RNF38: variants seen among roughly 807,000 people sequenced by gnomAD.
The protein encoded by RNF38 is E3 ubiquitin-protein ligase RNF38.
RNF38 carries 15 observed loss-of-function variants against 67.2 expected under a neutral mutation model. The ratio of observed to expected loss-of-function variants is 0.22; its 90% CI spans 0.15 to 0.34. The LOEUF is 0.34. RNF38 is among the 10% of genes least tolerant of loss of function. RNF38 has a pLI of 1.00. For missense variants in RNF38, 524 were observed against 639.9 expected (o/e 0.82, Z 1.95); for synonymous variants, 220 against 218.8 (o/e 1.01, Z -0.05).
intron 1 of RNF38, among the ~76,000 whole-genome samples, chr9:36,425,554 C>A (rs962336539): frequency 6.6e-6 from 1 of 151,904 alleles, no homozygotes; most frequent in Non-Finnish European, 1.5e-5. Flanking sequence ...ATTAGCCACG[C>A]GTGGTGGCGC....
At chr9:36,484,016 T>C (rs1241778039) in intron 1 of RNF38, among the ~76,000 whole-genome samples, 5 of 152,132 alleles carry the variant, frequency 3.3e-5, no homozygotes, top group Non-Finnish European at 5.9e-5. Context: ...CAAAATTCCA[T>C]CCCAGTCATC....
intron 4 of RNF38, among the ~76,000 whole-genome samples, chr9:36,359,922 T>A (rs1020848486): frequency 9.2e-5 from 14 of 151,558 alleles, no homozygotes; most frequent in Non-Finnish European, 1.8e-4. Flanking sequence ...CTTTTTTTTT[T>A]AAATTAGAGA....
upstream of RNF38, chr9:36,400,876 G>GGGGCC (rs1837973391): frequency 3.1e-6 from 3 of 979,452 alleles, no homozygotes; most frequent in African/African-American, 1.8e-5. Context: ...CACCGCACTA[G>GGGGCC]GGGCCCGGCC....
chr9:36,423,502 T>C (rs1411022422), intron 2 of RNF38, among the ~76,000 whole-genome samples: 1 of 152,162 alleles, frequency 6.6e-6, no homozygotes, highest in East Asian at 1.9e-4. Context: ...GATTCCTGCA[T>C]ATAACACGCA....
chr9:36,400,343 G>A (rs1837916624), upstream of RNF38: 3 of 1,240,468 alleles, frequency 2.4e-6, no homozygotes, highest in South Asian at 2.7e-5. Flanking sequence ...TCGGCAAAAA[G>A]GGAGGGAGCG....
At chr9:36,353,074 A>G (rs1477919762) in intron 7 of RNF38, 96 bp downstream of exon 7, 21 of 1,110,828 alleles carry the variant, frequency 1.9e-5, no homozygotes, top group Non-Finnish European at 2.8e-5. Flanking sequence ...TCGAGAATAC[A>G]TATAATTCTA....
At chr9:36,423,500 C>A (rs1838678856) in intron 2 of RNF38, among the ~76,000 whole-genome samples, 1 of 152,158 alleles carries the variant, frequency 6.6e-6, no homozygotes, top group South Asian at 2.1e-4. Context: ...TAGATTCCTG[C>A]ATATAACACG....
chr9:36,426,281 T>C (rs1041052153), intron 1 of RNF38, among the ~76,000 whole-genome samples: 3 of 152,004 alleles, frequency 2.0e-5, no homozygotes, highest in African/African-American at 7.2e-5. Context: ...ACAACCATCA[T>C]CACAATTTTA....
intron 2 of RNF38, among the ~76,000 whole-genome samples, chr9:36,421,420 T>C (rs1290071456): frequency 1.3e-5 from 2 of 152,014 alleles, no homozygotes; most frequent in Admixed American, 1.3e-4. Flanking sequence ...TACCAGCACT[T>C]TGGGAGGCTG....
chr9:36,420,126 T>C (rs939650367), intron 2 of RNF38, among the ~76,000 whole-genome samples: 2 of 152,204 alleles, frequency 1.3e-5, no homozygotes, highest in Non-Finnish European at 1.5e-5. Context: ...GGAATCCCAG[T>C]GTACTGCTGT....
At chr9:36,457,001 GC>G (rs1242316156) in intron 1 of RNF38, among the ~76,000 whole-genome samples, 2 of 152,068 alleles carry the variant, frequency 1.3e-5, no homozygotes. Context: ...TAGTCCAGCT[GC>G]TTTTTGCACT....
rs1832578431 is a variant in RNF38 at position 36,338,169 on chromosome 9, C to CT, written c.*1582dup. On this transcript the variant is annotated 3_prime_UTR_variant, in exon 12 of 12. Transcript: ENST00000259605. ...GAAGAGGCAGACAATGTTGAATACA[C>CT]TAAAAGAATGAGAAAGTAATTTAAA... 6.6e-6 allele frequency: 1 copy of CT among 152,068 alleles called. No homozygotes were observed. 9.4% of individuals were successfully genotyped at this position (152,068 alleles called of 1,614,324 possible). A position where few individuals can be genotyped will look rare whatever the true frequency, so the allele number is the denominator to read the frequency against.
At chr9:36,398,205 C>A (rs539159858) in intron 1 of RNF38, among the ~76,000 whole-genome samples, 1 of 152,160 alleles carries the variant, frequency 6.6e-6, no homozygotes, top group African/African-American at 2.4e-5. Flanking sequence ...ATAACAGGAA[C>A]TACAAGAAGA....
At chr9:36,421,294 C>A (rs1337774995) in intron 2 of RNF38, among the ~76,000 whole-genome samples, 1 of 152,184 alleles carries the variant, frequency 6.6e-6, no homozygotes, top group Non-Finnish European at 1.5e-5. Flanking sequence ...ATCTGGTCTA[C>A]CCCTAGCACT....
chr9:36,482,235 T>C (rs1335700361), intron 1 of RNF38, among the ~76,000 whole-genome samples: 1 of 151,568 alleles, frequency 6.6e-6, no homozygotes, highest in East Asian at 1.9e-4. Flanking sequence ...GTATTTTTAG[T>C]AGAAACAGGC....
At chr9:36,353,143 T>C (rs1280722867) in intron 7 of RNF38, 27 bp downstream of exon 7, 4 of 1,598,340 alleles carry the variant, frequency 2.5e-6, no homozygotes, top group Non-Finnish European at 3.4e-6. Context: ...AAGCAAGTAA[T>C]TAACATAGTA....
At chr9:36,401,313 C>T, upstream of RNF38, 1 of 743,154 alleles carries the variant, frequency 1.3e-6, no homozygotes, top group Non-Finnish European at 1.6e-6. Flanking sequence ...AGCCCGCCCC[C>T]CGCTGCCCTG....
intron 1 of RNF38, among the ~76,000 whole-genome samples, chr9:36,393,520 T>TGG (rs1428372127): frequency 5.2e-4 from 72 of 138,184 alleles, no homozygotes; most frequent in African/African-American, 1.6e-3. Context: ...TGTGTGTGTG[T>TGG]GTGGGGCAGG....
intron 4 of RNF38, among the ~76,000 whole-genome samples, chr9:36,365,560 C>A (rs1206018415): frequency 6.6e-6 from 1 of 151,480 alleles, no homozygotes; most frequent in East Asian, 1.9e-4. Context: ...GCAAGAAGAG[C>A]GAAACTCTGT....
Sources: allele counts gnomAD v4.1 joint callset (sites outside exome capture counted in the v4.1 genomes callset), GRCh38; gene constraint gnomAD v4.1.1; transcripts MANE v1.5; gene names NCBI Gene and HGNC (gene_info 2026-07-23, HGNC 2026-07-21).